DGKH: variants seen among roughly 807,000 people sequenced by gnomAD.
DGKH encodes the protein diacylglycerol kinase eta.
A neutral mutation model predicts 159.3 loss-of-function variants in DGKH; 90 were observed. The observed-to-expected ratio is 0.57, with a 90% CI of 0.48 to 0.67. DGKH has a LOEUF of 0.67. Ranked by LOEUF, DGKH falls within the 30% of genes least tolerant of loss-of-function variation. DGKH has a pLI of 0.00. For synonymous variants in DGKH, 536 were observed against 553.8 expected (o/e 0.97, Z 0.45); for missense variants, 1,181 against 1,506.1 (o/e 0.78, Z 3.57).
At position 42,199,568 on chromosome 13, in the gene DGKH, A is replaced by C. The variant is rs749676451; in HGVS notation, c.2288A>C (p.Asp763Ala). The change falls in exon 19 of 30, where the codon GAT becomes GCT. Residue 763 changes from aspartate to alanine, a missense_variant and splice_region_variant. Physicochemically the swap from Asp to Ala is moderately radical, Grantham distance 126. This residue lies in a region of DGKH where 335 missense variants were observed against 495.2 expected (regional missense o/e 0.68). Coordinates refer to ENST00000337343, the MANE Select transcript of DGKH (RefSeq NM_178009.5). Reference protein sequence around the residue: ...PFIDPDLDSVDGYSEKCVMNN... With the variant: ...PFIDPDLDSVAGYSEKCVMNN... Reference sequence around the variant, plus strand: ...TGTACTTTTCCCTGTGATCATAGAGATGGATATTCAGAAAAATGTGTCATG... The same window carrying C: ...TGTACTTTTCCCTGTGATCATAGAGCTGGATATTCAGAAAAATGTGTCATG... The C allele has an allele frequency of 2.5e-6, 4 of 1,575,594 alleles. No homozygotes were observed. In the South Asian group the frequency reaches 4.7e-5, roughly 19 times the overall value.
chr13:42,224,640 A>T (rs1382373672), intron 29 of DGKH, among the ~76,000 whole-genome samples: 1 of 146,474 alleles, frequency 6.8e-6, no homozygotes, highest in East Asian at 2.1e-4. Flanking sequence ...CAGGCCTACA[A>T]GGTTCTGCCT....
At position 42,199,662 on chromosome 13, in the gene DGKH, C is replaced by T. The variant is rs746966519; in HGVS notation, c.2382C>T (p.His794=). Residue 794 remains histidine, a synonymous_variant, in exon 19 of 30, where the codon CAC becomes CAT. Coordinates refer to ENST00000337343, the MANE Select transcript of DGKH (RefSeq NM_178009.5). ...AATTTAATAATAAAAGAGAGGAGCA[C>T]CCTGAAAAATGCAGGTAATTTTAGT... ...SLEFNNKREE[H]PEKCRSRTKN... The T allele has an allele frequency of 1.9e-6, 3 of 1,591,318 alleles. No individual in the cohort carries two copies. Among genetic ancestry groups the T allele is most frequent in the East Asian group, 4.5e-5 (2 of 44,486 alleles).
Position 42,229,249 on chromosome 13 carries a change from G to A in DGKH, c.*61G>A. The A allele has an allele frequency of 6.9e-7, 1 of 1,447,578 alleles. No homozygotes were observed. 89.7% of individuals were successfully genotyped at this position (1,447,578 alleles called of 1,614,324 possible). A position where few individuals can be genotyped will look rare whatever the true frequency, so the allele number is the denominator to read the frequency against. On this transcript the variant is annotated 3_prime_UTR_variant, in exon 30 of 30. Coordinates refer to ENST00000337343, the MANE Select transcript of DGKH (RefSeq NM_178009.5). ...GCCACTTAATACAAAGTCCTTGGAA[G>A]CAAGTGGCTGTTCTTGTAGTTTTCT...
At chr13:42,070,740 C>T (rs1251134183) in intron 1 of DGKH, 6 of 1,603,548 alleles carry the variant, frequency 3.7e-6, no homozygotes, top group African/African-American at 1.3e-5. Context: ...CCTGCTCCAG[C>T]ACTTTAGACA....
At chr13:42,128,803 ACAGT>A (rs1955225124) in intron 2 of DGKH, among the ~76,000 whole-genome samples, 1 of 152,204 alleles carries the variant, frequency 6.6e-6, no homozygotes, top group African/African-American at 2.4e-5. Flanking sequence ...AACAAGTCTT[ACAGT>A]CACATTGGTT....
At chr13:42,049,107 G>T (rs1317346721) in intron 1 of DGKH, 142 bp downstream of exon 1, 1 of 908,612 alleles carries the variant, frequency 1.1e-6, no homozygotes, top group Non-Finnish European at 1.3e-6. Flanking sequence ...GGGGAAGGCG[G>T]GGAAGGCGGG....
At chr13:42,132,594 T>A (rs1409389478) in intron 3 of DGKH, among the ~76,000 whole-genome samples, 1 of 152,244 alleles carries the variant, frequency 6.6e-6, no homozygotes, top group East Asian at 1.9e-4. Context: ...ATATGCTGCC[T>A]TATACTTAGT....
chr13:42,170,717 C>T (rs375309155), intron 11 of DGKH, among the ~76,000 whole-genome samples: 6 of 151,956 alleles, frequency 3.9e-5, no homozygotes, highest in Admixed American at 1.3e-4. Context: ...CCCAGGTGGG[C>T]GAATTACCTG....
At chr13:42,105,866 ACT>A (rs750169527) in intron 1 of DGKH, among the ~76,000 whole-genome samples, 1 of 152,118 alleles carries the variant, frequency 6.6e-6, no homozygotes, top group Non-Finnish European at 1.5e-5. Context: ...TATCTCCAGC[ACT>A]CTCAGCACTT....
rs771454095 is a variant in DGKH, at chr13:42,159,372, C to T, written c.729C>T (p.Gly243=). Residue 243 remains glycine (G), a splice_region_variant and synonymous_variant, in exon 6 of 30, where the codon GGC becomes GGT. Transcript: ENST00000337343. ...IGKDIIEDED[G]VAMPHQWLEG... is the part of the protein sequence containing the mutation. Reference sequence around the variant, plus strand: ...AGGACATTATAGAAGATGAAGATGGCGTAAGCTGCTGCTCTGTCTCTGCTC... The same window carrying T: ...AGGACATTATAGAAGATGAAGATGGTGTAAGCTGCTGCTCTGTCTCTGCTC... 140 of 1,587,836 alleles carry T rather than the reference C, an allele frequency of 8.8e-5. 4 individuals are homozygous for T. The South Asian group carries it at 1.3e-3, about 15-fold the overall frequency.
At chr13:42,173,652 A>G (rs1476258041) in intron 11 of DGKH, among the ~76,000 whole-genome samples, 1 of 152,212 alleles carries the variant, frequency 6.6e-6, no homozygotes, top group African/African-American at 2.4e-5. Flanking sequence ...ATGACTCATT[A>G]GTAATTTATA....
At chr13:42,165,812 A>C (rs1271558092) in intron 8 of DGKH, among the ~76,000 whole-genome samples, 6 of 152,084 alleles carry the variant, frequency 3.9e-5, no homozygotes, top group Non-Finnish European at 1.5e-5. Context: ...CTGTAATTTC[A>C]TTGTAGGAAT....
At chr13:42,051,570 T>G (rs1881302749) in intron 1 of DGKH, among the ~76,000 whole-genome samples, 1 of 151,874 alleles carries the variant, frequency 6.6e-6, no homozygotes, top group South Asian at 2.1e-4. Context: ...GACAAATACT[T>G]TCTGTGTCTC....
At chr13:42,056,361 C>G (rs1881757118) in intron 1 of DGKH, among the ~76,000 whole-genome samples, 1 of 152,110 alleles carries the variant, frequency 6.6e-6, no homozygotes, top group Non-Finnish European at 1.5e-5. Context: ...GCTGGAATCT[C>G]TGACCTTCTC....
intron 1 of DGKH, among the ~76,000 whole-genome samples, chr13:42,107,445 G>A (rs1954781335): frequency 6.6e-6 from 1 of 152,226 alleles, no homozygotes; most frequent in Non-Finnish European, 1.5e-5. Context: ...CCGAATTAAA[G>A]GGCTTTGCCT....
intron 7 of DGKH, among the ~76,000 whole-genome samples, chr13:42,163,737 A>G (rs1365531979): frequency 2.6e-5 from 4 of 151,220 alleles, no homozygotes; most frequent in Non-Finnish European, 5.9e-5. Context: ...AATTTGTTTG[A>G]GTTCATTGTA....
At chr13:42,178,956 A>G (rs1479664552) in intron 13 of DGKH, among the ~76,000 whole-genome samples, 1 of 152,224 alleles carries the variant, frequency 6.6e-6, no homozygotes, top group Non-Finnish European at 1.5e-5. Context: ...AAGGAGTGGG[A>G]AAGTGGTAAA....
intron 13 of DGKH, among the ~76,000 whole-genome samples, chr13:42,183,020 G>A (rs1227212408): frequency 1.3e-5 from 2 of 152,100 alleles, no homozygotes; most frequent in South Asian, 2.1e-4. Flanking sequence ...CAGGCATGGT[G>A]GTCCATGCCT....
intron 5 of DGKH, 22 bp from the exon 6 acceptor site, chr13:42,159,244 C>CTTGTTTTTTTTTTTTTTTTTTTTT (rs1956115825): frequency 5.0e-6 from 1 of 200,416 alleles, no homozygotes; most frequent in Non-Finnish European, 8.6e-6. Context: ...AGCAGTTGCT[C>CTTGTTTTTTTTTTTTTTTTTTTTT]TTTTTTTTTT....
Sources: allele counts gnomAD v4.1 joint callset (sites outside exome capture counted in the v4.1 genomes callset), GRCh38; gene constraint gnomAD v4.1.1; regional missense constraint gnomAD v4.1.1; transcripts MANE v1.5; gene names NCBI Gene and HGNC (gene_info 2026-07-23, HGNC 2026-07-21).